Variants in ZNF536 observed in about 807,000 individuals in gnomAD.
ZNF536 encodes the protein zinc finger protein 536.
ZNF536 carries 13 observed loss-of-function variants against 84.5 expected under a neutral mutation model. The observed-to-expected ratio is 0.15, with a 90% CI of 0.10 to 0.24. The LOEUF is 0.24. ZNF536 is among the 10% of genes least tolerant of loss of function. The probability of loss-of-function intolerance (pLI) is 1.00; values close to 1 mark genes in which losing one functional copy is unlikely to be tolerated. For missense variants in ZNF536, 1,536 were observed against 1,747.5 expected (o/e 0.88, Z 2.16); for synonymous variants, 811 against 742.5 (o/e 1.09, Z -1.50).
At chr19:30,406,768 CGGGT>C (rs1270853988) in intron 1 of ZNF536, among the ~76,000 whole-genome samples, 3 of 152,160 alleles carry the variant, frequency 2.0e-5, no homozygotes, top group Non-Finnish European at 4.4e-5. Context: ...TTTTCTGTAG[CGGGT>C]GTGCTCCTTT....
chr19:30,708,330 C>T (rs1033218732), intron 1 of ZNF536, among the ~76,000 whole-genome samples: 22 of 152,166 alleles, frequency 1.4e-4, no homozygotes, highest in African/African-American at 5.1e-4. Context: ...TGCACAGTGA[C>T]GTCTATGTGC....
At chr19:30,686,666 G>A (rs1443830482) in intron 1 of ZNF536, among the ~76,000 whole-genome samples, 2 of 152,160 alleles carry the variant, frequency 1.3e-5, no homozygotes, top group Admixed American at 6.5e-5. Context: ...CGGGCTGTCA[G>A]GTATCTGCGC....
intron 1 of ZNF536, among the ~76,000 whole-genome samples, chr19:30,606,257 A>T (rs866478608): frequency 0.062 from 518 of 8,370 alleles, 6 homozygotes; most frequent in Non-Finnish European, 0.084. Flanking sequence ...TAAAATAAAT[A>T]AAATAAAATA....
intron 4 of ZNF536, among the ~76,000 whole-genome samples, chr19:30,553,608 C>G (rs529519497): frequency 2.0e-5 from 3 of 152,272 alleles, no homozygotes; most frequent in South Asian, 4.1e-4. Flanking sequence ...CCCCTTTGCC[C>G]CAAGGAGCTC....
chr19:30,658,567 A>C (rs908252339), intron 1 of ZNF536, among the ~76,000 whole-genome samples: 1 of 151,912 alleles, frequency 6.6e-6, no homozygotes, highest in African/African-American at 2.4e-5. Context: ...ACACGCATAC[A>C]CCTGGCTTTG....
At chr19:30,300,799 G>A (rs1029009628) in intron 2 of ZNF536, 1 of 152,216 alleles carries the variant, frequency 6.6e-6, no homozygotes, top group African/African-American at 2.4e-5. Context: ...GATCGCAACG[G>A]GGGGAGCCTG....
chr19:30,249,012 G>A (rs1349703771), intron 1 of ZNF536, among the ~76,000 whole-genome samples: 1 of 152,186 alleles, frequency 6.6e-6, no homozygotes, highest in African/African-American at 2.4e-5. Context: ...TTAATGCGTC[G>A]TTCAGCATTT....
intron 1 of ZNF536, among the ~76,000 whole-genome samples, chr19:30,237,771 A>C (rs555807200): frequency 1.2e-4 from 16 of 129,264 alleles, no homozygotes; most frequent in African/African-American, 4.1e-4. Context: ...CATATCTATA[A>C]GTTCTTTTTT....
chr19:30,678,672 A>G (rs1405747444), intron 1 of ZNF536, among the ~76,000 whole-genome samples: 2 of 152,170 alleles, frequency 1.3e-5, no homozygotes, highest in Admixed American at 1.3e-4. Context: ...CTTGGGAGAA[A>G]TCAGACTATG....
Position 30,444,189 on chromosome 19 carries a change from G to C in ZNF536, c.627G>C (p.Arg209=), listed in dbSNP as rs1306526884. Residue 209 remains arginine (R), a synonymous_variant, in exon 2 of 5, where the codon CGG becomes CGC. Coordinates refer to ENST00000355537, the MANE Select transcript of ZNF536 (RefSeq NM_014717.3). ...AGCTGGAGGAGCGCGCCATCCTGCG[G>C]GACAAGCAGCTGAAAGGCAGCCTGC... is the stretch of plus-strand genomic sequence containing the variant. ...LHELEERAIL[R]DKQLKGSLLQ... 1.9e-6 allele frequency: 3 copies of C among 1,560,832 alleles called. No homozygotes were observed. The highest frequency in any genetic ancestry group is 1.4e-5 in the African/African-American group (1 of 73,672).
At chr19:30,680,528 T>G (rs1249647992) in intron 1 of ZNF536, among the ~76,000 whole-genome samples, 2 of 151,522 alleles carry the variant, frequency 1.3e-5, no homozygotes, top group Admixed American at 1.3e-4. Context: ...TTGCGATAGC[T>G]TACTGAGAAT....
chr19:30,230,713 G>T (rs908763355), intron 1 of ZNF536, among the ~76,000 whole-genome samples: 1 of 152,196 alleles, frequency 6.6e-6, no homozygotes, highest in African/African-American at 2.4e-5. Context: ...TGAATGATTA[G>T]GTTTGTTTGC....
chr19:30,350,088 C>T (rs2047886391), intron 2 of ZNF536, among the ~76,000 whole-genome samples: 1 of 152,186 alleles, frequency 6.6e-6, no homozygotes, highest in South Asian at 2.1e-4. Context: ...GGACAATCTC[C>T]TTGCAATGCC....
chr19:30,703,411 G>A (rs950556256), intron 1 of ZNF536, among the ~76,000 whole-genome samples: 4 of 152,122 alleles, frequency 2.6e-5, no homozygotes, highest in Non-Finnish European at 5.9e-5. Context: ...AGCCAACTTA[G>A]CCCTACCTTC....
intron 1 of ZNF536, among the ~76,000 whole-genome samples, chr19:30,377,271 G>T (rs550198198): frequency 6.6e-6 from 1 of 152,104 alleles, no homozygotes; most frequent in Non-Finnish European, 1.5e-5. Flanking sequence ...GATGTTACCC[G>T]TGTGGGCCGC....
intron 1 of ZNF536, among the ~76,000 whole-genome samples, chr19:30,270,557 T>C (rs931357981): frequency 1.3e-5 from 2 of 152,250 alleles, no homozygotes; most frequent in South Asian, 2.1e-4. Context: ...CAAACAGAGG[T>C]GACACCGTAA....
At chr19:30,649,553 T>C (rs1228738238) in intron 1 of ZNF536, among the ~76,000 whole-genome samples, 2 of 149,812 alleles carry the variant, frequency 1.3e-5, no homozygotes, top group South Asian at 2.1e-4. Flanking sequence ...ATTTTCCTTT[T>C]TTTTTTTTTT....
intron 2 of ZNF536, among the ~76,000 whole-genome samples, chr19:30,460,452 G>T (rs1054294888): frequency 6.6e-6 from 1 of 152,184 alleles, no homozygotes; most frequent in Admixed American, 6.5e-5. Context: ...CCCTGAGCAA[G>T]GTGGTTTGGA....
Position 30,421,644 on chromosome 19 carries a change from T to A in ZNF536, c.-2-21917T>A, listed in dbSNP as rs7343170. Among the ~76,000 whole-genome samples the A allele has an allele frequency of 6.5e-3, 985 of 152,338 alleles. 20 individuals carry two copies. The highest frequency in any genetic ancestry group is 0.023 in the African/African-American group (944 of 41,572). ...TCCCAAAGTACTGGGATTTCGGGCG[T>A]GAGCCACTGTCTCTGGCCCGGCAAG... is the stretch of plus-strand genomic sequence containing the variant. On this transcript the variant is annotated intron_variant, in intron 1 of 4. Transcript: ENST00000355537.
Sources: gnomAD v4.1 joint callset for allele counts (sites outside exome capture counted in the v4.1 genomes callset) on GRCh38, gnomAD v4.1.1 for gene constraint, MANE v1.5 for transcripts, NCBI Gene and HGNC (gene_info 2026-07-23, HGNC 2026-07-21) for gene names.